Variants in PCDHGA7 observed in about 807,000 individuals in gnomAD.
PCDHGA7 encodes the protein protocadherin gamma subfamily A, 7, also known as protocadherin gamma-A7.
PCDHGA7 carries 44 observed loss-of-function variants against 58.3 expected under a neutral mutation model. The ratio of observed to expected loss-of-function variants is 0.75; its 90% confidence interval spans 0.59 to 0.97. PCDHGA7 has a LOEUF of 0.97. Ranked by LOEUF, PCDHGA7 falls within the 50% of genes least tolerant of loss-of-function variation. The probability of loss-of-function intolerance (pLI) is 0.00; values close to 1 mark genes in which losing one functional copy is unlikely to be tolerated. For synonymous variants in PCDHGA7, 516 were observed against 504.2 expected (o/e 1.02, Z -0.31); for missense variants, 1,266 against 1,188.7 (o/e 1.06, Z -0.96).
Position 141,432,602 on chromosome 5 carries a change from G to A in PCDHGA7, c.2424+47279G>A. The A allele has an allele frequency of 6.2e-7, 1 of 1,613,966 alleles. No homozygotes were observed. Among genetic ancestry groups the A allele is most frequent in the Non-Finnish European group, 8.5e-7 (1 of 1,179,972 alleles). On this transcript the variant is annotated intron_variant, in intron 1 of 3. Transcript: ENST00000518325. This position sits in a 1 kb window ranked among gnomAD's most constrained non-coding sequence, Gnocchi z 6.0. ...CCGTCTGCTCAAGGCCAGCGAGCCG[G>A]GACTCTTCTCGGTGGGTCTGCACAC...
chr5:141,489,942 C>T lies in PCDHGA7; in HGVS notation c.2425-4865C>T. On this transcript the variant is annotated intron_variant, in intron 1 of 3. Transcript: ENST00000518325. The surrounding 1 kb of genome is among the most constrained non-coding windows in gnomAD (Gnocchi z 4.5). ...CCCTTATCTCTGTCATCGTGCTGGA[C>T]ATCAATGATAATGCTCCAACCTTCC... 2 of 1,614,170 alleles carry T rather than the reference C, an allele frequency of 1.2e-6. No homozygotes were observed. The highest frequency in any genetic ancestry group is 1.7e-6 in the Non-Finnish European group (2 of 1,179,984).
At position 141,433,290 on chromosome 5, in the gene PCDHGA7, C is replaced by T. The variant is rs186668064; in HGVS notation, c.2424+47967C>T. ...CTCACTGCAGCCTCAAACTCCTAGG[C>T]TCAAGCAATTATCCCACCTTTGCCT... On this transcript the variant is annotated intron_variant, in intron 1 of 3. Transcript: ENST00000518325. The T allele has an allele frequency of 1.6e-3, 1,738 of 1,107,746 alleles. 60 individuals carry two copies. In the Admixed American group the frequency reaches 0.041, roughly 26 times the overall value. 68.6% of individuals were successfully genotyped at this position (1,107,746 alleles called of 1,614,324 possible). A position where few individuals can be genotyped will look rare whatever the true frequency, so the allele number is the denominator to read the frequency against.
At chr5:141,427,519 G>A (rs1428732557) in intron 1 of PCDHGA7, 1 of 602,000 alleles carries the variant, frequency 1.7e-6, no homozygotes, top group Non-Finnish European at 3.1e-6. Context: ...GATTGGGAGC[G>A]GATCCCGGAG....
chr5:141,497,693 C>T (rs2099778709), intron 2 of PCDHGA7, among the ~76,000 whole-genome samples: 2 of 152,136 alleles, frequency 1.3e-5, no homozygotes, highest in Admixed American at 6.5e-5. Context: ...GTGTGCACCA[C>T]CACACCCAGC....
Position 141,489,471 on chromosome 5 carries a change from G to A in PCDHGA7, c.2425-5336G>A. ...AGGAGAATGGGCGCTATTTTTCCCT[G>A]AGCTTGATGAGTGGTGCCCTGGCAG... On this transcript the variant is annotated intron_variant, in intron 1 of 3. Transcript: ENST00000518325. This position sits in a 1 kb window ranked among gnomAD's most constrained non-coding sequence, Gnocchi z 4.5. 1 of 1,614,074 alleles carries A rather than the reference G, an allele frequency of 6.2e-7. No homozygotes were observed. The highest frequency in any genetic ancestry group is 8.5e-7 in the Non-Finnish European group (1 of 1,180,026).
intron 1 of PCDHGA7, chr5:141,408,402 G>A: frequency 1.2e-6 from 2 of 1,614,052 alleles, no homozygotes; most frequent in Non-Finnish European, 1.7e-6. Context: ...CGCAAGCTGC[G>A]AGTGAGCGCG....
intron 1 of PCDHGA7, among the ~76,000 whole-genome samples, chr5:141,466,449 T>C (rs2154569205): frequency 6.6e-6 from 1 of 152,358 alleles, no homozygotes; most frequent in Admixed American, 6.5e-5. Flanking sequence ...ATGTCTATGG[T>C]GTTGGCTATT....
chr5:141,417,721 C>A, intron 1 of PCDHGA7: 2 of 1,330,572 alleles, frequency 1.5e-6, no homozygotes, highest in Non-Finnish European at 2.0e-6. Context: ...CCCGGCTGCG[C>A]AGACCTTGCC....
intron 1 of PCDHGA7, chr5:141,395,358 G>A: frequency 1.5e-6 from 2 of 1,346,158 alleles, no homozygotes; most frequent in Non-Finnish European, 9.9e-7. Context: ...ACAGAGTTTT[G>A]GGTTTATTTT....
rs375823415 is a variant in PCDHGA7 at position 141,382,944 on chromosome 5, G to A, written c.45G>A (p.Leu15=). ...GCGGGGACTACAGAGGATTCTTCCT[G>A]CTCTCCATCCTCCTGGGGACCCCCT... ...PRGGDYRGFF[L]LSILLGTPWE... Residue 15 remains leucine (L), a synonymous_variant, in exon 1 of 4, where the codon CTG becomes CTA. Coordinates refer to ENST00000518325, the MANE Select transcript of PCDHGA7 (RefSeq NM_018920.4). 6.3e-7 allele frequency: 1 copy of A among 1,596,888 alleles called. No individual in the cohort carries two copies. Among genetic ancestry groups the A allele is most frequent in the Non-Finnish European group, 8.6e-7 (1 of 1,169,456 alleles).
chr5:141,408,869 A>T, intron 1 of PCDHGA7: 1 of 1,613,690 alleles, frequency 6.2e-7, no homozygotes, highest in Non-Finnish European at 8.5e-7. Flanking sequence ...CCCACCAAGA[A>T]GTGCCACCGC....
intron 1 of PCDHGA7, chr5:141,415,519 A>T: frequency 1.9e-6 from 3 of 1,614,182 alleles, no homozygotes; most frequent in Non-Finnish European, 2.5e-6. Context: ...TTATGCGGAC[A>T]CGCTCATCAG....
In PCDHGA7 at chr5:141,487,680, A is replaced by G; in HGVS notation, c.2425-7127A>G. On this transcript the variant is annotated intron_variant, in intron 1 of 3. Coordinates refer to ENST00000518325, the MANE Select transcript of PCDHGA7 (RefSeq NM_018920.4). This position sits in a 1 kb window ranked among gnomAD's most constrained non-coding sequence, Gnocchi z 5.0. ...TCTGATCCAGGCATATGGCTAGGCC[A>G]TGTCCTAGAGAGTACTGGCCTCTCA... 6.2e-7 allele frequency: 1 copy of G among 1,609,370 alleles called. No individual in the cohort carries two copies. The highest frequency in any genetic ancestry group is 2.2e-5 in the East Asian group (1 of 44,826).
Position 141,476,437 on chromosome 5 carries a change from T to C in PCDHGA7, c.2425-18370T>C, listed in dbSNP as rs1260141259. The C allele has an allele frequency of 6.2e-7, 1 of 1,614,004 alleles. No homozygotes were observed. Among genetic ancestry groups the C allele is most frequent in the East Asian group, 2.2e-5 (1 of 44,836 alleles). ...GGACACTGCCCTCTTGCACTGTAAC[T>C]CTGGAGTTGGTAGTGGAGAACCCGC... On this transcript the variant is annotated intron_variant, in intron 1 of 3. Transcript: ENST00000518325. This position sits in a 1 kb window ranked among gnomAD's most constrained non-coding sequence, Gnocchi z 7.6.
chr5:141,423,758 G>GGGT, intron 1 of PCDHGA7: 1 of 366,842 alleles, frequency 2.7e-6, no homozygotes, highest in Non-Finnish European at 3.8e-6. Context: ...TTTGGGGGGG[G>GGGT]GGTGGGGCGG....
chr5:141,503,654 G>C (rs1248501987), intron 2 of PCDHGA7, among the ~76,000 whole-genome samples: 1 of 150,388 alleles, frequency 6.6e-6, no homozygotes, highest in Non-Finnish European at 1.5e-5. Flanking sequence ...AATGGAAACA[G>C]AATTACAACT....
intron 1 of PCDHGA7, chr5:141,427,818 G>T: frequency 6.5e-7 from 1 of 1,530,644 alleles, no homozygotes; most frequent in Non-Finnish European, 9.0e-7. Flanking sequence ...GAGCGGGGTG[G>T]TGGTCGCGCA....
intron 1 of PCDHGA7, among the ~76,000 whole-genome samples, chr5:141,387,106 A>G (rs2090822229): frequency 6.6e-6 from 1 of 152,238 alleles, no homozygotes; most frequent in African/African-American, 2.4e-5. Context: ...GAATCACATA[A>G]TATTCCTGTA....
At chr5:141,415,014 C>G (rs747951360) in intron 1 of PCDHGA7, 1 of 1,613,502 alleles carries the variant, frequency 6.2e-7, no homozygotes, top group African/African-American at 1.3e-5. Flanking sequence ...ACCGTCTGCT[C>G]AAGGCCAGCG....
Sources: allele counts gnomAD v4.1 joint callset (sites outside exome capture counted in the v4.1 genomes callset), GRCh38; gene constraint gnomAD v4.1.1; non-coding constraint Gnocchi (gnomAD v3.1); transcripts MANE v1.5; gene names NCBI Gene and HGNC (gene_info 2026-07-23, HGNC 2026-07-21).